The following SLC8A3 variants were observed in gnomAD, a reference collection of about 807,000 sequenced individuals.
SLC8A3 encodes the protein solute carrier family 8 member A3.
In SLC8A3, 37 loss-of-function variants were observed where a neutral mutation model predicts 65.4. The ratio of observed to expected loss-of-function variants is 0.57; its 90% CI spans 0.44 to 0.74. The LOEUF (loss-of-function observed/expected upper bound fraction) is 0.74. Ranked by LOEUF, SLC8A3 falls within the 30% of genes least tolerant of loss-of-function variation. The probability of loss-of-function intolerance (pLI) is 0.00; values close to 1 mark genes in which losing one functional copy is unlikely to be tolerated. For synonymous variants in SLC8A3, 461 were observed against 444.5 expected, an observed-to-expected ratio of 1.04 and a Z score of -0.47; for missense variants, 1,112 against 1,172.1, an observed-to-expected ratio of 0.95 and a Z score of 0.75.
At chr14:70,175,101 T>C (rs1481365295) in intron 1 of SLC8A3, among the ~76,000 whole-genome samples, 1 of 152,162 alleles carries the variant, frequency 6.6e-6, no homozygotes, top group Non-Finnish European at 1.5e-5. Context: ...CAGGTACTAC[T>C]ACAGAAGAAG....
Position 70,080,211 on chromosome 14 carries a change from T to A in SLC8A3, c.1785-19272A>T, listed in dbSNP as rs529811512. 3.0e-6 allele frequency: 3 copies of A among 985,422 alleles called. No individual in the cohort carries two copies. In the South Asian group the frequency reaches 1.4e-4, roughly 46 times the overall value. The allele number at this position is 985,422 out of a possible 1,614,324, so 61.0% of individuals were successfully genotyped here. ...ATGCTGGAAGAGTTGATACTCAGAC[T>A]ATATTTAGATGCCTTAGCGCTTTCA... On this transcript the variant is annotated intron_variant, in intron 2 of 6. Transcript: ENST00000356921.
intron 2 of SLC8A3, among the ~76,000 whole-genome samples, chr14:70,102,478 G>C (rs1038620241): frequency 2.0e-5 from 3 of 152,098 alleles, no homozygotes; most frequent in Admixed American, 6.6e-5. Flanking sequence ...AGAAAAAAAT[G>C]TGACCGACAG....
intron 2 of SLC8A3, among the ~76,000 whole-genome samples, chr14:70,159,896 C>T (rs1025447050): frequency 5.3e-5 from 8 of 152,188 alleles, no homozygotes; most frequent in Admixed American, 5.2e-4. Context: ...TGCTGACATT[C>T]TCCCCGATGT....
At chr14:70,066,318 G>A (rs1410959933) in intron 2 of SLC8A3, among the ~76,000 whole-genome samples, 1 of 152,152 alleles carries the variant, frequency 6.6e-6, no homozygotes, top group South Asian at 2.1e-4. Context: ...TTTAATACAA[G>A]TCACCAGCCA....
chr14:70,098,557 G>A (rs3850426), intron 2 of SLC8A3, among the ~76,000 whole-genome samples: 18,364 of 152,178 alleles, frequency 0.12, 1,185 homozygotes, highest in South Asian at 0.2. Flanking sequence ...TGGGGGCAGC[G>A]GGAAGTTGGA....
At chr14:70,145,901 G>A (rs9672032) in intron 2 of SLC8A3, among the ~76,000 whole-genome samples, 5,737 of 151,766 alleles carry the variant, frequency 0.038, 359 homozygotes, top group African/African-American at 0.13. Context: ...AAGCACTCAA[G>A]GCAGCTGGTT....
chr14:70,162,898 G>A (rs1351239506), intron 2 of SLC8A3, among the ~76,000 whole-genome samples: 1 of 152,132 alleles, frequency 6.6e-6, no homozygotes, highest in Non-Finnish European at 1.5e-5. Flanking sequence ...CCTTAATGAA[G>A]GTTAATTTAG....
chr14:70,082,717 C>T (rs1891141578), intron 2 of SLC8A3, among the ~76,000 whole-genome samples: 1 of 152,202 alleles, frequency 6.6e-6, no homozygotes, highest in South Asian at 2.1e-4. Flanking sequence ...TTCTCCAATG[C>T]TTGGCCAACT....
At chr14:70,108,405 A>AAAAG (rs941540048) in intron 2 of SLC8A3, among the ~76,000 whole-genome samples, 1 of 151,808 alleles carries the variant, frequency 6.6e-6, no homozygotes, top group African/African-American at 2.4e-5. Flanking sequence ...GTCTCAAAAA[A>AAAAG]AAAAAAAAAG....
chr14:70,178,603 AG>A (rs1319773700), intron 1 of SLC8A3, among the ~76,000 whole-genome samples: 2 of 152,360 alleles, frequency 1.3e-5, no homozygotes, highest in East Asian at 3.9e-4. Flanking sequence ...ATTAACTTCA[AG>A]GTAATCTAGA....
chr14:70,052,167 G>A, intron 3 of SLC8A3, 53 bp from the exon 4 acceptor site: 2 of 1,550,278 alleles, frequency 1.3e-6, no homozygotes, highest in East Asian at 4.5e-5. Flanking sequence ...TTCCCTGGAA[G>A]GATACAGCTC....
Position 70,045,735 on chromosome 14 carries a change from T to A in SLC8A3, c.*212A>T, listed in dbSNP as rs1338474413. 4.2e-6 allele frequency: 2 copies of A among 478,746 alleles called. No individual in the cohort carries two copies. Among genetic ancestry groups the A allele is most frequent in the Non-Finnish European group, 7.4e-6 (2 of 268,496 alleles). 29.7% of individuals were successfully genotyped at this position (478,746 alleles called of 1,614,324 possible). On this transcript the variant is annotated 3_prime_UTR_variant, in exon 7 of 7. Transcript: ENST00000356921. ...TGCTTGTTTGTATTCAATTAAATAC[T>A]GTGTAAAGTCGGTGATTCCTCCATT...
At chr14:70,126,892 T>C (rs1344507301) in intron 2 of SLC8A3, among the ~76,000 whole-genome samples, 1 of 147,830 alleles carries the variant, frequency 6.8e-6, no homozygotes, top group South Asian at 2.1e-4. Context: ...AAGTATATAA[T>C]GCAAATATTC....
At chr14:70,128,710 C>G (rs552480844) in intron 2 of SLC8A3, among the ~76,000 whole-genome samples, 1 of 152,272 alleles carries the variant, frequency 6.6e-6, no homozygotes, top group South Asian at 2.1e-4. Context: ...AACATGTTTC[C>G]TCTTCACTAA....
chr14:70,149,071 A>G (rs1396000770), intron 2 of SLC8A3, among the ~76,000 whole-genome samples: 1 of 152,200 alleles, frequency 6.6e-6, no homozygotes, highest in Admixed American at 6.5e-5. Flanking sequence ...GCACCATTGC[A>G]GGCTTAGTGT....
intron 2 of SLC8A3, among the ~76,000 whole-genome samples, chr14:70,076,255 C>T (rs528905767): frequency 9.0e-4 from 137 of 152,228 alleles, no homozygotes; most frequent in African/African-American, 2.9e-3. Context: ...CTTGTCTGCC[C>T]GGTCTGCTTG....
rs1441261206 is a variant in SLC8A3, at chr14:70,188,779, A to T, written c.-463T>A. 4 of 152,082 alleles carry T rather than the reference A, an allele frequency of 2.6e-5. No homozygotes were observed. The highest frequency in any genetic ancestry group is 9.7e-5 in the African/African-American group (4 of 41,414). The allele number at this position is 152,082 out of a possible 1,614,324, so 9.4% of individuals were successfully genotyped here. A position where few individuals can be genotyped will look rare whatever the true frequency, so the allele number is the denominator to read the frequency against. On this transcript the variant is annotated 5_prime_UTR_variant, in exon 1 of 7. Transcript: ENST00000356921. ...GCGGGGGATTCCTGCAGGAAGGGGC[A>T]GGAAGGCAAGCAGCCCGGCGCGCCC...
intron 2 of SLC8A3, among the ~76,000 whole-genome samples, chr14:70,093,614 T>C (rs182784751): frequency 1.3e-5 from 2 of 152,336 alleles, no homozygotes; most frequent in East Asian, 3.9e-4. Flanking sequence ...CCGGCTTTGA[T>C]AAACACATGA....
intron 2 of SLC8A3, among the ~76,000 whole-genome samples, chr14:70,093,812 A>G (rs1010740477): frequency 1.1e-4 from 17 of 152,192 alleles, no homozygotes; most frequent in Non-Finnish European, 2.2e-4. Flanking sequence ...GTATTTGGTC[A>G]TGAAAATGGA....
Sources: allele counts gnomAD v4.1 joint callset (sites outside exome capture counted in the v4.1 genomes callset), GRCh38; gene constraint gnomAD v4.1.1; transcripts MANE v1.5; gene names NCBI Gene and HGNC (gene_info 2026-07-23, HGNC 2026-07-21).